MLLT1: variants seen among roughly 807,000 people sequenced by gnomAD.
MLLT1 encodes MLLT1 super elongation complex subunit.
Under a neutral mutation model 55.1 loss-of-function variants are expected in MLLT1, and 11 were observed. The ratio of observed to expected loss-of-function variants is 0.20; its 90% CI spans 0.13 to 0.33. The LOEUF is 0.33. Ranked by LOEUF, MLLT1 falls within the 10% of genes least tolerant of loss-of-function variation. The pLI is 1.00. For synonymous variants in MLLT1, 323 were observed against 320.1 expected, an observed-to-expected ratio of 1.01 and a Z score of -0.10; for missense variants, 536 against 760.6, an observed-to-expected ratio of 0.70 and a Z score of 3.47.
At chr19:6,242,262 G>A (rs1488904511) in intron 3 of MLLT1, among the ~76,000 whole-genome samples, 5 of 152,182 alleles carry the variant, frequency 3.3e-5, no homozygotes, top group Admixed American at 1.3e-4. Context: ...ACCCCGGCTT[G>A]GTGTCCTTGG....
chr19:6,261,852 T>C (rs534031804), intron 3 of MLLT1, among the ~76,000 whole-genome samples: 10 of 152,270 alleles, frequency 6.6e-5, no homozygotes, highest in African/African-American at 2.4e-4. Flanking sequence ...TGTAATCAGA[T>C]ATTTATGCTA....
In MLLT1 at chr19:6,229,204, G is replaced by A. The variant is rs1213936063; in HGVS notation, c.420+1366C>T. Among the ~76,000 whole-genome samples the A allele has an allele frequency of 3.3e-5, 5 of 152,130 alleles. No individual in the cohort carries two copies. Among genetic ancestry groups the A allele is most frequent in the Non-Finnish European group, 7.4e-5 (5 of 68,014 alleles). On this transcript the variant is annotated intron_variant, in intron 4 of 11. Transcript: ENST00000252674. The surrounding 1 kb of genome is among the most constrained non-coding windows in gnomAD (Gnocchi z 5.2). Reference sequence around the variant, plus strand: ...GAAAGAAGGTGGAAAAGCGGAGCCAGGAGGGCGCTGGGACCCAGCCCTCAC... The same window carrying A: ...GAAAGAAGGTGGAAAAGCGGAGCCAAGAGGGCGCTGGGACCCAGCCCTCAC...
chr19:6,240,677 C>T lies in MLLT1; in HGVS notation c.277-9964G>A, dbSNP rs571384586. ...AAAGCGCTGTGGGGGTGATGTCAGA[C>T]GCACAGGGAGAGACTGGACCCCACA... On this transcript the variant is annotated intron_variant, in intron 3 of 11. Coordinates refer to ENST00000252674, the MANE Select transcript of MLLT1 (RefSeq NM_005934.4). The surrounding 1 kb of genome is among the most constrained non-coding windows in gnomAD (Gnocchi z 4.7). Among the ~76,000 whole-genome samples, 5 of 152,226 alleles carry T rather than the reference C, an allele frequency of 3.3e-5. No individual in the cohort carries two copies. The East Asian group carries it at 5.8e-4, about 18-fold the overall frequency.
Position 6,226,104 on chromosome 19 carries a change from G to C in MLLT1, c.546+873C>G, listed in dbSNP as rs984294185. On this transcript the variant is annotated intron_variant, in intron 5 of 11. Transcript: ENST00000252674. The surrounding 1 kb of genome is among the most constrained non-coding windows in gnomAD (Gnocchi z 6.3). ...CGCATGGCTGACGGTGAGTCTGTGA[G>C]GCAGCTGGAGAGCCCTGCCTGTCCT... 2.6e-5 allele frequency among the ~76,000 whole-genome samples: 4 copies of C among 152,242 alleles called. No individual in the cohort carries two copies. Among genetic ancestry groups the C allele is most frequent in the Non-Finnish European group, 5.9e-5 (4 of 68,040 alleles).
intron 1 of MLLT1, among the ~76,000 whole-genome samples, chr19:6,272,645 T>C (rs1310112818): frequency 3.3e-5 from 5 of 152,246 alleles, no homozygotes; most frequent in African/African-American, 1.2e-4. Flanking sequence ...GAGCAGGGAC[T>C]ACATCTTGTT....
Position 6,222,378 on chromosome 19 carries a change from T to G in MLLT1, c.853A>C (p.Lys285Gln). 1.3e-6 allele frequency: 1 copy of G among 799,142 alleles called. No individual in the cohort carries two copies. The highest frequency in any genetic ancestry group is 1.6e-6 in the Non-Finnish European group (1 of 621,746). The allele number at this position is 799,142 out of a possible 1,614,324, so 49.5% of individuals were successfully genotyped here. ...PPPPPPRASS[K>Q]RPATADSPKP... ...GGCGAGTCGGCGGTGGCCGGCCGCT[T>G]GCTGGAAGCCCGGGGTGGGGGTGGG... The change falls in exon 6 of 12, where the codon AAG (lysine) becomes CAG (glutamine). Residue 285 changes from lysine to glutamine, a missense_variant. Around this residue, in one of 3 missense-constraint regions of MLLT1, gnomAD observed 449 missense variants for 489.0 expected, o/e 0.92. Coordinates refer to ENST00000252674, the MANE Select transcript of MLLT1 (RefSeq NM_005934.4). This position sits in a 1 kb window ranked among gnomAD's most constrained non-coding sequence, Gnocchi z 4.1.
intron 7 of MLLT1, among the ~76,000 whole-genome samples, chr19:6,217,327 A>T (rs1334724804): frequency 2.0e-5 from 3 of 152,156 alleles, no homozygotes; most frequent in Admixed American, 2.0e-4. Context: ...CAGGAGTGGA[A>T]ACGCTTTTTG....
chr19:6,241,620 C>T (rs1211998204), intron 3 of MLLT1, among the ~76,000 whole-genome samples: 2 of 152,332 alleles, frequency 1.3e-5, no homozygotes, highest in African/African-American at 2.4e-5. Context: ...CCGTGGCGGG[C>T]GCAGGGTTGC....
chr19:6,252,038 G>A lies in MLLT1; in HGVS notation c.276+10190C>T, dbSNP rs374459363. Among the ~76,000 whole-genome samples, 32 of 152,344 alleles carry A rather than the reference G, an allele frequency of 2.1e-4. No homozygotes were observed. The East Asian group carries it at 5.6e-3, about 27-fold the overall frequency. Reference sequence around the variant, plus strand: ...TATGAGGGTGTTTCCAGAGGACACTGGCATGTAAGTCGGGCCGAGGAGGGA... The same window carrying A: ...TATGAGGGTGTTTCCAGAGGACACTAGCATGTAAGTCGGGCCGAGGAGGGA... On this transcript the variant is annotated intron_variant, in intron 3 of 11. Transcript: ENST00000252674.
rs1392146962 is a variant in MLLT1, at chr19:6,222,863, T to G, written c.547-179A>C. ...AGTAGGTGAGAGTTTTACATGGAGC[T>G]GTCCCTTTAAACTACTAGGAAGTGT... is the stretch of plus-strand genomic sequence containing the variant. On this transcript the variant is annotated intron_variant, in intron 5 of 11. Transcript: ENST00000252674. The surrounding 1 kb of genome is among the most constrained non-coding windows in gnomAD (Gnocchi z 4.1). Among the ~76,000 whole-genome samples, 1 of 152,228 alleles carries G rather than the reference T, an allele frequency of 6.6e-6. No homozygotes were observed. The highest frequency in any genetic ancestry group is 2.4e-5 in the African/African-American group (1 of 41,452).
chr19:6,250,030 C>A (rs1211997652), intron 3 of MLLT1, among the ~76,000 whole-genome samples: 1 of 151,690 alleles, frequency 6.6e-6, no homozygotes, highest in Non-Finnish European at 1.5e-5. Context: ...CAAAAAAAAA[C>A]AAAAACAAAG....
intron 2 of MLLT1, among the ~76,000 whole-genome samples, chr19:6,268,326 T>C (rs2091365847): frequency 6.6e-6 from 1 of 152,178 alleles, no homozygotes; most frequent in South Asian, 2.1e-4. Context: ...AAGGGGTACT[T>C]TGGGATAAAT....
chr19:6,279,746 C>G (rs946370339), intron 1 of MLLT1, 27 bp downstream of exon 1: 10 of 147,748 alleles, frequency 6.8e-5, no homozygotes, highest in African/African-American at 2.5e-4. Context: ...GGGCGGGCTG[C>G]GCAGGGGCGG....
chr19:6,248,283 A>G (rs1404051470), intron 3 of MLLT1, among the ~76,000 whole-genome samples: 1 of 152,252 alleles, frequency 6.6e-6, no homozygotes, highest in Non-Finnish European at 1.5e-5. Context: ...TTATCTGCAC[A>G]GCTTCAAAGT....
rs1331008576 is a variant in MLLT1, at chr19:6,242,644, T to A, written c.277-11931A>T. On this transcript the variant is annotated intron_variant, in intron 3 of 11. Transcript: ENST00000252674. ...CTCTCCTGCTCTCAGGACGGGTTCC[T>A]TCAATTGAAGTCACGGGAGACTTAG... Among the ~76,000 whole-genome samples, 5 of 152,364 alleles carry A rather than the reference T, an allele frequency of 3.3e-5. No individual in the cohort carries two copies. In the Middle Eastern group the frequency reaches 0.014, roughly 415 times the overall value.
chr19:6,253,711 A>G (rs2091237134), intron 3 of MLLT1, among the ~76,000 whole-genome samples: 1 of 152,228 alleles, frequency 6.6e-6, no homozygotes, highest in Non-Finnish European at 1.5e-5. Flanking sequence ...GCACATTAAT[A>G]AAAGGAAGAA....
intron 1 of MLLT1, among the ~76,000 whole-genome samples, chr19:6,274,175 G>T (rs1345950641): frequency 6.6e-6 from 1 of 152,246 alleles, no homozygotes; most frequent in Non-Finnish European, 1.5e-5. Flanking sequence ...GGGGACTGTG[G>T]AGCGCTGAGG....
chr19:6,228,022 A>G (rs73555975), intron 4 of MLLT1, among the ~76,000 whole-genome samples: 5,909 of 152,294 alleles, frequency 0.039, 177 homozygotes, highest in African/African-American at 0.073. Context: ...ATCTAAGGAC[A>G]CTGATGTCAT....
intron 1 of MLLT1, among the ~76,000 whole-genome samples, chr19:6,274,179 G>A (rs1417395219): frequency 6.6e-6 from 1 of 152,236 alleles, no homozygotes; most frequent in Non-Finnish European, 1.5e-5. Flanking sequence ...ACTGTGGAGC[G>A]CTGAGGGGGG....
Sources: allele counts gnomAD v4.1 joint callset (sites outside exome capture counted in the v4.1 genomes callset), GRCh38; gene constraint gnomAD v4.1.1; regional missense constraint gnomAD v4.1.1; non-coding constraint Gnocchi (gnomAD v3.1); transcripts MANE v1.5; gene names NCBI Gene and HGNC (gene_info 2026-07-23, HGNC 2026-07-21).